The following HK1 variants were observed in gnomAD, a reference collection of about 807,000 sequenced individuals.
HK1 encodes the protein hexokinase 1.
A neutral mutation model predicts 91.6 loss-of-function variants in HK1; 28 were observed. The observed-to-expected ratio is 0.31, with a 90% CI of 0.23 to 0.42. The LOEUF (loss-of-function observed/expected upper bound fraction) is 0.42, where lower values mean the gene tolerates loss of function less well. HK1 is among the 10% of genes least tolerant of loss of function. The pLI, the probability that HK1 is intolerant of heterozygous loss-of-function variation, is 1.00. For synonymous variants in HK1, 430 were observed against 468.1 expected (o/e 0.92, Z 1.05); for missense variants, 770 against 1,219.8 (o/e 0.63, Z 5.49).
rs1269166409 is a variant in HK1, at chr10:69,338,763, T to G, written c.64-5064T>G. The G allele has an allele frequency of 2.6e-6, 3 of 1,156,692 alleles. No individual in the cohort carries two copies. The African/African-American group carries it at 4.9e-5, about 19-fold the overall frequency. The allele number at this position is 1,156,692 out of a possible 1,614,324, so 71.7% of individuals were successfully genotyped here. A position where few individuals can be genotyped will look rare whatever the true frequency, so the allele number is the denominator to read the frequency against. On this transcript the variant is annotated intron_variant, in intron 1 of 17. Transcript: ENST00000359426. ...TGTGAGAGTGTGTGTGTGTGAGAGATTGTGTATGTGAGAGTGTGTGTGTGT... is the reference window on the plus strand; with the variant it reads ...TGTGAGAGTGTGTGTGTGTGAGAGAGTGTGTATGTGAGAGTGTGTGTGTGT...
At chr10:69,358,865 A>G (rs948625628) in intron 2 of HK1, among the ~76,000 whole-genome samples, 1 of 141,300 alleles carries the variant, frequency 7.1e-6, no homozygotes, top group African/African-American at 2.7e-5. Flanking sequence ...CTCTGTCTCA[A>G]AAAAAAAAAA....
intron 8 of HK1, among the ~76,000 whole-genome samples, chr10:69,378,344 G>A (rs1297409074): frequency 5.3e-5 from 8 of 152,008 alleles, no homozygotes; most frequent in Admixed American, 3.9e-4. Context: ...TCCTACAAGA[G>A]CAGATGTTAG....
chr10:69,311,211 C>G (rs746484322), upstream of HK1, among the ~76,000 whole-genome samples: 1 of 152,118 alleles, frequency 6.6e-6, no homozygotes, highest in Non-Finnish European at 1.5e-5. Context: ...TAATGCTGGT[C>G]GGATGGGACT....
chr10:69,275,646 T>A (rs903203789), intron 1 of HK1, among the ~76,000 whole-genome samples: 1 of 152,228 alleles, frequency 6.6e-6, no homozygotes, highest in Non-Finnish European at 1.5e-5. Context: ...AAACTTTATT[T>A]ACAAAAATAA....
intron 15 of HK1, among the ~76,000 whole-genome samples, chr10:69,394,286 C>T (rs143007746): frequency 1.3e-5 from 2 of 152,352 alleles, no homozygotes; most frequent in African/African-American, 4.8e-5. Context: ...ACTGAATTCT[C>T]CCTCCTGTGT....
intron 8 of HK1, among the ~76,000 whole-genome samples, chr10:69,378,599 A>G (rs1589565034): frequency 6.6e-6 from 1 of 152,294 alleles, no homozygotes; most frequent in East Asian, 1.9e-4. Context: ...GGTTAAAAAG[A>G]TGTCTGGATG....
intron 4 of HK1, among the ~76,000 whole-genome samples, chr10:69,367,497 T>C (rs1434068901): frequency 2.6e-5 from 4 of 152,100 alleles, no homozygotes; most frequent in Non-Finnish European, 5.9e-5. Context: ...CTCTGAGGCT[T>C]TGGAGGAGGA....
At chr10:69,319,099 C>A in intron 1 of HK1, 89 bp downstream of exon 1, 1 of 1,453,474 alleles carries the variant, frequency 6.9e-7, no homozygotes, top group Non-Finnish European at 9.4e-7. Context: ...CATCCTCCGG[C>A]GCCCGGCCTT....
chr10:69,318,159 C>G, upstream of HK1: 2 of 985,452 alleles, frequency 2.0e-6, no homozygotes, highest in Non-Finnish European at 2.4e-6. Context: ...GCTTTGGGTT[C>G]AGCAATACAA....
At chr10:69,311,456 G>A (rs1846374405), upstream of HK1, among the ~76,000 whole-genome samples, 1 of 152,188 alleles carries the variant, frequency 6.6e-6, no homozygotes, top group South Asian at 2.1e-4. Context: ...TGGGTGCTGG[G>A]AGAACTATCC....
At chr10:69,364,751 G>C in intron 3 of HK1, 32 bp from the exon 4 acceptor site, 1 of 1,614,030 alleles carries the variant, frequency 6.2e-7, no homozygotes, top group East Asian at 2.2e-5. Flanking sequence ...GCCTGCTTTG[G>C]GGCCCCCTGA....
chr10:69,283,429 T>G (rs1844861990), intron 2 of HK1, among the ~76,000 whole-genome samples: 1 of 151,322 alleles, frequency 6.6e-6, no homozygotes, highest in South Asian at 2.1e-4. Flanking sequence ...CACTCCAGCC[T>G]GGGTGACTGA....
chr10:69,380,148 C>A lies in HK1; in HGVS notation c.1265+53C>A. The A allele has an allele frequency of 7.1e-6, 10 of 1,411,790 alleles. No homozygotes were observed. Among genetic ancestry groups the A allele is most frequent in the Non-Finnish European group, 1.0e-5 (10 of 996,548 alleles). 87.5% of individuals were successfully genotyped at this position (1,411,790 alleles called of 1,614,324 possible). On this transcript the variant is annotated intron_variant, in intron 9 of 17. Transcript: ENST00000359426. This position sits in a 1 kb window ranked among gnomAD's most constrained non-coding sequence, Gnocchi z 4.0. ...ACTCTGTACCCATTGTGGGTAGGGA[C>A]CTTCTCCAGAGATCAGACTTTTGTA...
At chr10:69,327,052 T>C (rs1013926303) in intron 1 of HK1, among the ~76,000 whole-genome samples, 1 of 145,888 alleles carries the variant, frequency 6.9e-6, no homozygotes, top group Admixed American at 7.1e-5. Context: ...TTGCCCAGGC[T>C]GGAGTGCAGT....
intron 5 of HK1, among the ~76,000 whole-genome samples, chr10:69,301,573 C>CAAAA (rs3086649): frequency 8.7e-3 from 697 of 80,348 alleles, no homozygotes; most frequent in African/African-American, 0.011. Context: ...GACTCTGTCT[C>CAAAA]AAAAAAAAAA....
At chr10:69,300,722 G>T in intron 4 of HK1, 1 of 1,078,732 alleles carries the variant, frequency 9.3e-7, no homozygotes, top group African/African-American at 1.6e-5. Flanking sequence ...ACCAGACGAT[G>T]ACTTTGGAGC....
At chr10:69,273,508 T>TC (rs1844284488) in intron 1 of HK1, among the ~76,000 whole-genome samples, 1 of 151,988 alleles carries the variant, frequency 6.6e-6, no homozygotes, top group Non-Finnish European at 1.5e-5. Flanking sequence ...GAGCCACCGC[T>TC]CCCAGCCTAA....
chr10:69,344,355 A>G (rs1472903525), intron 2 of HK1, among the ~76,000 whole-genome samples: 1 of 152,236 alleles, frequency 6.6e-6, no homozygotes. Flanking sequence ...TCTTCAGAAC[A>G]TGAAGAACTC....
chr10:69,295,740 G>A (rs3812689), intron 4 of HK1: 92,853 of 1,062,912 alleles, frequency 0.087, 8,468 homozygotes, highest in East Asian at 0.47. Context: ...AAGATAGTGC[G>A]TGGCAATCCC....
Sources: gnomAD v4.1 joint callset for allele counts (sites outside exome capture counted in the v4.1 genomes callset) on GRCh38, gnomAD v4.1.1 for gene constraint, Gnocchi (gnomAD v3.1) non-coding constraint, MANE v1.5 for transcripts, NCBI Gene and HGNC (gene_info 2026-07-23, HGNC 2026-07-21) for gene names.